SLC38A10: variants seen among roughly 807,000 people sequenced by gnomAD.
The protein encoded by SLC38A10 is solute carrier family 38 member 10.
Under a neutral mutation model 81.0 loss-of-function variants are expected in SLC38A10, and 53 were observed. That is an observed-to-expected ratio of 0.65 (90% confidence interval 0.53 to 0.82). The LOEUF (loss-of-function observed/expected upper bound fraction) is 0.82. Among genes scored for constraint, SLC38A10 ranks in the 40% least tolerant of loss-of-function variants. The pLI, the probability that SLC38A10 is intolerant of heterozygous loss-of-function variation, is 0.00. For synonymous variants in SLC38A10, 665 were observed against 655.3 expected (o/e 1.01, Z -0.23); for missense variants, 1,471 against 1,545.0 (o/e 0.95, Z 0.80).
At chr17:81,257,050 G>A (rs926837774) in intron 11 of SLC38A10, among the ~76,000 whole-genome samples, 1 of 152,236 alleles carries the variant, frequency 6.6e-6, no homozygotes, top group African/African-American at 2.4e-5. Context: ...AGGGCCACAT[G>A]CTTCTCCCTT....
chr17:81,248,937 C>T (rs2062878406), intron 14 of SLC38A10, among the ~76,000 whole-genome samples: 1 of 152,248 alleles, frequency 6.6e-6, no homozygotes, highest in Admixed American at 6.5e-5. Flanking sequence ...GAGCAGGTCT[C>T]CCGCACACCT....
Position 81,278,982 on chromosome 17 carries a change from G to A in SLC38A10, c.626+1627C>T, listed in dbSNP as rs188893158. 1.6e-3 allele frequency among the ~76,000 whole-genome samples: 242 copies of A among 152,320 alleles called. 3 individuals are homozygous for A. Among genetic ancestry groups the A allele is most frequent in the African/African-American group, 5.7e-3 (237 of 41,578 alleles). Reference sequence around the variant, plus strand: ...CAAGGTAGGAGCCACAAAACCTCCTGGCCACCTGCAAAGGAGCTCCACAGA... The same window carrying A: ...CAAGGTAGGAGCCACAAAACCTCCTAGCCACCTGCAAAGGAGCTCCACAGA... On this transcript the variant is annotated intron_variant, in intron 6 of 15. Coordinates refer to ENST00000374759, the MANE Select transcript of SLC38A10 (RefSeq NM_001037984.3).
chr17:81,272,143 T>G (rs915404629), intron 9 of SLC38A10, among the ~76,000 whole-genome samples: 4 of 143,872 alleles, frequency 2.8e-5, no homozygotes, highest in African/African-American at 1.0e-4. Flanking sequence ...AGTGATTCTT[T>G]TGCCTCAGCC....
intron 14 of SLC38A10, chr17:81,249,954 A>T (rs2062895180): frequency 7.4e-6 from 7 of 945,640 alleles, no homozygotes; most frequent in Non-Finnish European, 8.5e-6. Context: ...CTGGGGCCTG[A>T]CACGTGTCCC....
rs747406945 is a variant in SLC38A10, at chr17:81,272,508, C to T, written c.1024+8G>A. 1.8e-5 allele frequency: 28 copies of T among 1,579,792 alleles called. No homozygotes were observed. The highest frequency in any genetic ancestry group is 2.1e-5 in the Non-Finnish European group (24 of 1,164,884). ...CTCCCCGGCAACAGGGCAGCCCTCC[C>T]GCCTTACCGTTGGGGATAAGGATGC... On this transcript the variant is annotated splice_region_variant and intron_variant, in intron 9 of 15. Transcript: ENST00000374759.
Position 81,276,086 on chromosome 17 carries a change from G to C in SLC38A10, c.795C>G (p.Pro265=). The change falls in exon 8 of 16, where the codon CCC becomes CCG. Residue 265 remains proline (P), a synonymous_variant. Coordinates refer to ENST00000374759, the MANE Select transcript of SLC38A10 (RefSeq NM_001037984.3). This position sits in a 1 kb window ranked among gnomAD's most constrained non-coding sequence, Gnocchi z 4.7. ...GGAGCATCTCCGTCACCAGGTTGGA[G>C]GGAAAGTGCATGAGCACGTTGCCGG... The part of the protein sequence containing the change: ...ATAGNVLMHF[P]SNLVTEMLRV... The C allele has an allele frequency of 1.2e-6, 2 of 1,613,988 alleles. No homozygotes were observed. Among genetic ancestry groups the C allele is most frequent in the East Asian group, 4.5e-5 (2 of 44,876 alleles).
intron 1 of SLC38A10, among the ~76,000 whole-genome samples, chr17:81,294,615 A>G (rs1462064572): frequency 6.6e-6 from 1 of 152,156 alleles, no homozygotes; most frequent in Non-Finnish European, 1.5e-5. Flanking sequence ...CGGGCTGACA[A>G]GGGCTGCCAG....
intron 14 of SLC38A10, among the ~76,000 whole-genome samples, chr17:81,249,555 G>T (rs994041766): frequency 6.4e-5 from 6 of 93,798 alleles, no homozygotes; most frequent in Non-Finnish European, 1.3e-4. Flanking sequence ...GGAAAAAAGA[G>T]GGGGAGGGGG....
At chr17:81,293,196 GAGA>G (rs1352331523) in intron 1 of SLC38A10, among the ~76,000 whole-genome samples, 1 of 152,190 alleles carries the variant, frequency 6.6e-6, no homozygotes, top group Non-Finnish European at 1.5e-5. Flanking sequence ...TGACTTGCAG[GAGA>G]AGGACCAGCT....
At position 81,260,323 on chromosome 17, in the gene SLC38A10, G is replaced by T; in HGVS notation, c.1203C>A (p.Val401=). Residue 401 remains valine, a synonymous_variant, in exon 11 of 16, where the codon GTC becomes GTA. Transcript: ENST00000374759. Reference sequence around the variant, plus strand: ...GGGCTTCCTCTGCCAAGTCCTCGGGGACCTCCTCGCTCACAGACAGTGTGG... The same window carrying T: ...GGGCTTCCTCTGCCAAGTCCTCGGGTACCTCCTCGCTCACAGACAGTGTGG... ...TVTTLSVSEE[V]PEDLAEEAPG... is the part of the protein sequence containing the mutation. 1 of 1,608,942 alleles carries T rather than the reference G, an allele frequency of 6.2e-7. No individual in the cohort carries two copies. The highest frequency in any genetic ancestry group is 8.5e-7 in the Non-Finnish European group (1 of 1,178,300).
At chr17:81,285,164 A>T (rs894850376) in intron 2 of SLC38A10, 2 of 363,470 alleles carry the variant, frequency 5.5e-6, no homozygotes, top group African/African-American at 4.2e-5. Flanking sequence ...AGACAAAGAG[A>T]CAAGTCCCTG....
At chr17:81,292,882 G>A (rs1451597505) in intron 1 of SLC38A10, among the ~76,000 whole-genome samples, 13 of 152,202 alleles carry the variant, frequency 8.5e-5, no homozygotes, top group African/African-American at 3.1e-4. Context: ...GGTGGCTCAC[G>A]CCTGTAATCC....
intron 11 of SLC38A10, among the ~76,000 whole-genome samples, chr17:81,257,486 T>C (rs1239124041): frequency 6.6e-6 from 1 of 152,208 alleles, no homozygotes; most frequent in African/African-American, 2.4e-5. Flanking sequence ...TGTCCTGAGA[T>C]GGCAGGGAGC....
chr17:81,283,682 C>A lies in SLC38A10; in HGVS notation c.264-180G>T, dbSNP rs529653013. ...AGGCTGGAGTGCAATGGTGAGATCT[C>A]GGCTCACTGCAAGCTCCGCCTCCCA... On this transcript the variant is annotated intron_variant, in intron 3 of 15. Coordinates refer to ENST00000374759, the MANE Select transcript of SLC38A10 (RefSeq NM_001037984.3). This position sits in a 1 kb window ranked among gnomAD's most constrained non-coding sequence, Gnocchi z 4.7. Among the ~76,000 whole-genome samples, 1 of 149,362 alleles carries A rather than the reference C, an allele frequency of 6.7e-6. No individual in the cohort carries two copies. The highest frequency in any genetic ancestry group is 2.5e-5 in the African/African-American group (1 of 40,388).
intron 8 of SLC38A10, 102 bp downstream of exon 8, chr17:81,275,867 C>T (rs1288078512): frequency 5.8e-6 from 8 of 1,370,052 alleles, no homozygotes; most frequent in Non-Finnish European, 7.9e-6. Context: ...GACGCAAATC[C>T]CCACTTTCCT....
chr17:81,253,624 A>G lies in SLC38A10; in HGVS notation c.1289-384T>C, dbSNP rs2062941393. ...CACCACCATCACCGCTATCATCACCATCATCTCCATCCCTACCACCATCAA... is the reference window on the plus strand; with the variant it reads ...CACCACCATCACCGCTATCATCACCGTCATCTCCATCCCTACCACCATCAA... On this transcript the variant is annotated intron_variant, in intron 11 of 15. Coordinates refer to ENST00000374759, the MANE Select transcript of SLC38A10 (RefSeq NM_001037984.3). This position sits in a 1 kb window ranked among gnomAD's most constrained non-coding sequence, Gnocchi z 4.1. Among the ~76,000 whole-genome samples the G allele has an allele frequency of 6.6e-6, 1 of 150,768 alleles. No homozygotes were observed. The highest frequency in any genetic ancestry group is 2.4e-5 in the African/African-American group (1 of 40,966).
intron 11 of SLC38A10, among the ~76,000 whole-genome samples, chr17:81,257,620 G>A (rs1178765950): frequency 6.6e-6 from 1 of 152,240 alleles, no homozygotes; most frequent in Non-Finnish European, 1.5e-5. Flanking sequence ...CATGGGGGCT[G>A]TGTGTCCCCG....
intron 8 of SLC38A10, among the ~76,000 whole-genome samples, chr17:81,274,414 T>C (rs1299525469): frequency 1.3e-5 from 2 of 152,214 alleles, no homozygotes; most frequent in Admixed American, 6.5e-5. Context: ...CCGCCCCCAA[T>C]GTGGCTGCTG....
intron 1 of SLC38A10, among the ~76,000 whole-genome samples, chr17:81,291,468 C>G (rs1232769378): frequency 6.5e-5 from 9 of 139,014 alleles, no homozygotes; most frequent in Non-Finnish European, 3.0e-5. Flanking sequence ...GCCTGGGTGA[C>G]AGAGTAAGAC....
Sources: gnomAD v4.1 joint callset for allele counts (sites outside exome capture counted in the v4.1 genomes callset) on GRCh38, gnomAD v4.1.1 for gene constraint, Gnocchi (gnomAD v3.1) non-coding constraint, MANE v1.5 for transcripts, NCBI Gene and HGNC (gene_info 2026-07-23, HGNC 2026-07-21) for gene names.